OSBP2: variants seen among roughly 807,000 people sequenced by gnomAD.
OSBP2 encodes oxysterol-binding protein 2.
OSBP2 carries 66 observed loss-of-function variants against 96.0 expected under a neutral mutation model. The ratio of observed to expected loss-of-function variants is 0.69; its 90% CI spans 0.56 to 0.84. The LOEUF (loss-of-function observed/expected upper bound fraction) is 0.84. Ranked by LOEUF, OSBP2 falls within the 40% of genes least tolerant of loss-of-function variation. OSBP2 has a pLI of 0.00. For synonymous variants in OSBP2, 525 were observed against 520.9 expected (o/e 1.01, Z -0.11); for missense variants, 1,038 against 1,222.7 (o/e 0.85, Z 2.25).
At chr22:30,853,254 T>C (rs1462350228) in intron 2 of OSBP2, among the ~76,000 whole-genome samples, 1 of 152,238 alleles carries the variant, frequency 6.6e-6, no homozygotes, top group East Asian at 1.9e-4. Flanking sequence ...CTTTCTCCTC[T>C]TATTTCTGTT....
At chr22:30,756,753 C>T (rs1324876749) in intron 2 of OSBP2, among the ~76,000 whole-genome samples, 23 of 152,102 alleles carry the variant, frequency 1.5e-4, no homozygotes, top group Admixed American at 1.5e-3. Context: ...TAAATCAAAT[C>T]ATGCTACAAA....
chr22:30,887,648 C>G (rs1231473614), intron 4 of OSBP2, 30 bp downstream of exon 4: 8 of 1,533,554 alleles, frequency 5.2e-6, no homozygotes, highest in Non-Finnish European at 7.0e-6. Context: ...AGGGCTGTCC[C>G]ATGACCTTCT....
At chr22:30,716,996 A>G (rs1224525420) in intron 1 of OSBP2, among the ~76,000 whole-genome samples, 2 of 151,946 alleles carry the variant, frequency 1.3e-5, no homozygotes, top group African/African-American at 2.4e-5. Flanking sequence ...GCCAAATCCA[A>G]TGTCATGAAA....
At chr22:30,840,336 G>GA in intron 2 of OSBP2, among the ~76,000 whole-genome samples, 1 of 144,250 alleles carries the variant, frequency 6.9e-6, no homozygotes, top group South Asian at 2.3e-4. Context: ...AAAAAAAAAA[G>GA]AAAGCTGAAA....
At chr22:30,740,342 G>T (rs2089921603) in intron 1 of OSBP2, among the ~76,000 whole-genome samples, 1 of 152,146 alleles carries the variant, frequency 6.6e-6, no homozygotes, top group South Asian at 2.1e-4. Flanking sequence ...TCAAGTGCAG[G>T]GTTTGCAAAA....
At chr22:30,842,403 G>A (rs2038771610) in intron 2 of OSBP2, among the ~76,000 whole-genome samples, 1 of 152,112 alleles carries the variant, frequency 6.6e-6, no homozygotes, top group African/African-American at 2.4e-5. Context: ...GTTGATGGCT[G>A]GTGACTGATC....
At chr22:30,762,375 T>C (rs1309986615) in intron 2 of OSBP2, among the ~76,000 whole-genome samples, 5 of 152,092 alleles carry the variant, frequency 3.3e-5, no homozygotes, top group African/African-American at 1.2e-4. Context: ...GGTGTAACCC[T>C]GTCTCCACTG....
At chr22:30,904,594 A>AT (rs2040287436) in intron 12 of OSBP2, among the ~76,000 whole-genome samples, 2 of 151,378 alleles carry the variant, frequency 1.3e-5, no homozygotes, top group African/African-American at 4.9e-5. Flanking sequence ...TACATAATTA[A>AT]AATATATATA....
At position 30,866,255 on chromosome 22, in the gene OSBP2, G is replaced by T. The variant is rs534856258; in HGVS notation, c.854-4174G>T. Among the ~76,000 whole-genome samples the T allele has an allele frequency of 5.9e-5, 9 of 152,346 alleles. No homozygotes were observed. In the Middle Eastern group the frequency reaches 0.01, roughly 173 times the overall value. On this transcript the variant is annotated intron_variant, in intron 2 of 13. Coordinates refer to ENST00000332585, the MANE Select transcript of OSBP2 (RefSeq NM_030758.4). ...TGGGCCCAGCACAATCACTGGATCA[G>T]AGAGAGTAGAAGATGCCTCTTTGCT...
chr22:30,863,390 C>G (rs1286394423), intron 2 of OSBP2, among the ~76,000 whole-genome samples: 1 of 152,168 alleles, frequency 6.6e-6, no homozygotes, highest in Non-Finnish European at 1.5e-5. Flanking sequence ...TGCAGCGCCC[C>G]CGCAGTCCTC....
intron 2 of OSBP2, among the ~76,000 whole-genome samples, chr22:30,766,722 T>A (rs1386637765): frequency 6.6e-6 from 1 of 152,092 alleles, no homozygotes; most frequent in African/African-American, 2.4e-5. Flanking sequence ...TTCCCCTCCA[T>A]GACGCCGGGA....
At chr22:30,857,050 T>C (rs2039093412) in intron 2 of OSBP2, among the ~76,000 whole-genome samples, 1 of 152,212 alleles carries the variant, frequency 6.6e-6, no homozygotes, top group Non-Finnish European at 1.5e-5. Flanking sequence ...AGCCTCATTA[T>C]TTTGAGATTG....
At chr22:30,732,847 C>A (rs1321823107) in intron 1 of OSBP2, among the ~76,000 whole-genome samples, 1 of 152,222 alleles carries the variant, frequency 6.6e-6, no homozygotes. Flanking sequence ...GTCAGGCTCG[C>A]TGCCCCCTAG....
rs1434533047 is a variant in OSBP2, at chr22:30,870,662, A to G, written c.1087A>G (p.Thr363Ala). ...TGAGCGGGCCACCCTCTTCCGCATC[A>G]CATCCAATGCTATGATCAACGTGAG... The part of the protein sequence containing the change: ...VNERATLFRI[T>A]SNAMINACRD... The change falls in exon 3 of 14, where the codon ACA becomes GCA. Residue 363 changes from threonine to alanine, a missense_variant. Transcript: ENST00000332585. The surrounding 1 kb of genome is among the most constrained non-coding windows in gnomAD (Gnocchi z 4.1). 1 of 1,613,560 alleles carries G rather than the reference A, an allele frequency of 6.2e-7. No individual in the cohort carries two copies. Among genetic ancestry groups the G allele is most frequent in the Non-Finnish European group, 8.5e-7 (1 of 1,179,984 alleles).
intron 2 of OSBP2, among the ~76,000 whole-genome samples, chr22:30,749,276 A>C (rs2090044030): frequency 6.6e-6 from 1 of 152,180 alleles, no homozygotes; most frequent in Non-Finnish European, 1.5e-5. Context: ...CCTACTCTTA[A>C]ACTAAGAATG....
At chr22:30,694,140 A>C (rs2088975194), upstream of OSBP2, 1 of 1,550,086 alleles carries the variant, frequency 6.5e-7, no homozygotes, top group South Asian at 1.2e-5. Context: ...CAAGTTCAGA[A>C]TCCCACTTTG....
At chr22:30,798,394 T>C (rs1229948192) in intron 2 of OSBP2, among the ~76,000 whole-genome samples, 1 of 152,262 alleles carries the variant, frequency 6.6e-6, no homozygotes, top group East Asian at 1.9e-4. Context: ...ACTCTGTTGA[T>C]AGTGTCCTTG....
chr22:30,748,326 C>T (rs956504624), intron 2 of OSBP2, among the ~76,000 whole-genome samples: 1 of 152,190 alleles, frequency 6.6e-6, no homozygotes, highest in African/African-American at 2.4e-5. Context: ...CTGCCTCAGC[C>T]TCCCAAAGTG....
At chr22:30,729,057 T>G (rs963924040) in intron 1 of OSBP2, among the ~76,000 whole-genome samples, 1 of 152,234 alleles carries the variant, frequency 6.6e-6, no homozygotes, top group Non-Finnish European at 1.5e-5. Flanking sequence ...ATGCATTCAC[T>G]GATAACTGAC....
Sources: gnomAD v4.1 joint callset for allele counts (sites outside exome capture counted in the v4.1 genomes callset) on GRCh38, gnomAD v4.1.1 for gene constraint, Gnocchi (gnomAD v3.1) non-coding constraint, MANE v1.5 for transcripts, NCBI Gene and HGNC (gene_info 2026-07-23, HGNC 2026-07-21) for gene names.